LANCL3: variants seen among roughly 807,000 people sequenced by gnomAD.
The protein encoded by LANCL3 is LanC like family member 3.
LANCL3 carries 19 observed loss-of-function variants against 26.5 expected under a neutral mutation model. The ratio of observed to expected loss-of-function variants is 0.72; its 90% CI spans 0.50 to 1.05. LANCL3 has a LOEUF of 1.05. Among genes scored for constraint, LANCL3 ranks in the 50% least tolerant of loss-of-function variants. The pLI is 0.00. For synonymous variants in LANCL3, 160 were observed against 166.6 expected (o/e 0.96, Z 0.30); for missense variants, 318 against 362.7 (o/e 0.88, Z 1.00).
intron 1 of LANCL3, among the ~76,000 whole-genome samples, chrX:37,575,010 C>T: frequency 9.2e-6 from 1 of 109,254 alleles, no homozygotes; most frequent in Middle Eastern, 4.7e-3. Flanking sequence ...ACTGTAGCCT[C>T]GACCTCCTGG....
At chrX:37,665,579 A>G (rs1166791912) in intron 3 of LANCL3, among the ~76,000 whole-genome samples, 6 of 112,233 alleles carry the variant, frequency 5.3e-5, no homozygotes, top group African/African-American at 1.9e-4. Flanking sequence ...ATTATGTATC[A>G]GTCATATGCA....
intron 3 of LANCL3, among the ~76,000 whole-genome samples, chrX:37,661,882 C>T (rs1926430425): frequency 8.9e-6 from 1 of 112,241 alleles, no homozygotes; most frequent in Non-Finnish European, 1.9e-5. Context: ...CCCACCTCCA[C>T]AGGTGACAAG....
At chrX:37,640,347 T>A (rs1556425811) in intron 1 of LANCL3, among the ~76,000 whole-genome samples, 1 of 111,097 alleles carries the variant, frequency 9.0e-6, no homozygotes, top group Non-Finnish European at 1.9e-5. Context: ...GGGAAGTACC[T>A]CACTTTTAAA....
At chrX:37,583,869 T>A (rs1272859422) in intron 1 of LANCL3, among the ~76,000 whole-genome samples, 1 of 111,904 alleles carries the variant, frequency 8.9e-6, no homozygotes, top group Non-Finnish European at 1.9e-5. Context: ...ATAGGTGTGG[T>A]GAGAGAGGGC....
chrX:37,629,820 G>A (rs1234878695), intron 1 of LANCL3, among the ~76,000 whole-genome samples: 1 of 111,315 alleles, frequency 9.0e-6, no homozygotes, highest in African/African-American at 3.3e-5. Context: ...CTCTGTTTTG[G>A]TACCAGTACC....
At chrX:37,609,239 C>T (rs782045049) in intron 1 of LANCL3, among the ~76,000 whole-genome samples, 10 of 111,768 alleles carry the variant, frequency 8.9e-5, no homozygotes, top group East Asian at 2.8e-4. Flanking sequence ...ACTTAGATGC[C>T]GTCTTTATTG....
intron 1 of LANCL3, among the ~76,000 whole-genome samples, chrX:37,583,584 G>C (rs1205106700): frequency 1.8e-5 from 2 of 111,683 alleles, no homozygotes; most frequent in Non-Finnish European, 3.8e-5. Context: ...AAGCAATTGT[G>C]AATGGGAGTT....
chrX:37,572,053 C>T lies in LANCL3; in HGVS notation c.183C>T (p.Cys61=), dbSNP rs1923596102. ...ARGATAGASA[C]QGGLYGGVAG... The stretch of plus-strand genomic sequence containing the variant: ...GGGCGACGGCGGGGGCTAGCGCCTG[C>T]CAGGGGGGGCTTTATGGCGGCGTGG... The change falls in exon 1 of 5, where the codon TGC becomes TGT. Residue 61 remains cysteine (C), a synonymous_variant. Coordinates refer to ENST00000378619, the MANE Select transcript of LANCL3 (RefSeq NM_001170331.2). 1 of 1,180,102 alleles carries T rather than the reference C, an allele frequency of 8.5e-7. No homozygotes were observed. Among genetic ancestry groups the T allele is most frequent in the Non-Finnish European group, 1.1e-6 (1 of 881,217 alleles).
At chrX:37,594,577 C>T (rs1556419318) in intron 1 of LANCL3, among the ~76,000 whole-genome samples, 1 of 112,318 alleles carries the variant, frequency 8.9e-6, no homozygotes, top group African/African-American at 3.2e-5. Context: ...TAGTCCAGAA[C>T]TCAAATTCTT....
Position 37,659,479 on chromosome X carries a change from T to C in LANCL3, c.715T>C (p.Ser239Pro), listed in dbSNP as rs781924613. The change falls in exon 3 of 5, where the codon TCG becomes CCG. Residue 239 changes from serine (S) to proline (P), a missense_variant. By Grantham distance (74) the Ser-to-Pro change is moderately conservative (BLOSUM62 -1). Coordinates refer to ENST00000378619, the MANE Select transcript of LANCL3 (RefSeq NM_001170331.2). ...TAATACAGGGGCAGCTCACGGCTTG[T>C]CGTCTATTCTTCAGATGCTTCTTTC... ...TEYLGAAHGLSSILQMLLSYH... is the reference protein window; with the variant it reads ...TEYLGAAHGLPSILQMLLSYH... 2.5e-6 allele frequency: 3 copies of C among 1,209,828 alleles called. No individual in the cohort carries two copies. Among genetic ancestry groups the C allele is most frequent in the Admixed American group, 2.2e-5 (1 of 45,955 alleles).
At chrX:37,646,633 G>A (rs782602415) in intron 1 of LANCL3, among the ~76,000 whole-genome samples, 2 of 111,938 alleles carry the variant, frequency 1.8e-5, no homozygotes, top group Non-Finnish European at 3.8e-5. Flanking sequence ...ACTCTGTTCT[G>A]GTGCCCATAG....
chrX:37,575,885 A>G, intron 1 of LANCL3, among the ~76,000 whole-genome samples: 1 of 112,423 alleles, frequency 8.9e-6, no homozygotes, highest in Admixed American at 9.4e-5. Context: ...ACTATATTCT[A>G]CCTTTCACTC....
rs186330388 is a variant in LANCL3, at chrX:37,657,051, A to G, written c.697+1240A>G. Among the ~76,000 whole-genome samples, 194 of 112,868 alleles carry G rather than the reference A, an allele frequency of 1.7e-3. 2 individuals are homozygous for G. The highest frequency in any genetic ancestry group is 5.9e-3 in the African/African-American group (184 of 31,132). ...TGGACAACTGAGGCTCAGTTCCCCTAGGGAATCTTAGAGACTTTATAGAAC... is the reference window on the plus strand; with the variant it reads ...TGGACAACTGAGGCTCAGTTCCCCTGGGGAATCTTAGAGACTTTATAGAAC... On this transcript the variant is annotated intron_variant, in intron 2 of 4. Coordinates refer to ENST00000378619, the MANE Select transcript of LANCL3 (RefSeq NM_001170331.2).
At chrX:37,601,610 G>A (rs1344939490) in intron 1 of LANCL3, among the ~76,000 whole-genome samples, 1 of 111,847 alleles carries the variant, frequency 8.9e-6, no homozygotes, top group Non-Finnish European at 1.9e-5. Flanking sequence ...GTTGGTGGCT[G>A]CTAGCAAATG....
chrX:37,585,538 T>C (rs1244134993), intron 1 of LANCL3, among the ~76,000 whole-genome samples: 11 of 112,239 alleles, frequency 9.8e-5, no homozygotes, highest in African/African-American at 3.6e-4. Flanking sequence ...TTGATCCCTT[T>C]ACTATTATGT....
intron 1 of LANCL3, among the ~76,000 whole-genome samples, chrX:37,612,954 C>T (rs1396271886): frequency 9.0e-6 from 1 of 111,636 alleles, no homozygotes; most frequent in Non-Finnish European, 1.9e-5. Flanking sequence ...CTCTCCCTTG[C>T]TGTCAATTGA....
intron 1 of LANCL3, among the ~76,000 whole-genome samples, chrX:37,632,192 G>C (rs375091972): frequency 3.6e-5 from 4 of 111,833 alleles, no homozygotes; most frequent in African/African-American, 9.8e-5. Flanking sequence ...GAATTGATCC[G>C]TTTACCATTA....
chrX:37,601,549 T>TA (rs1306046188), intron 1 of LANCL3, among the ~76,000 whole-genome samples: 1 of 112,289 alleles, frequency 8.9e-6, no homozygotes, highest in African/African-American at 3.2e-5. Context: ...AAATATGACT[T>TA]ACAGTGCCTT....
In LANCL3 at chrX:37,630,358, G is replaced by A. The variant is rs782741626; in HGVS notation, c.574-25330G>A. On this transcript the variant is annotated intron_variant, in intron 1 of 4. Coordinates refer to ENST00000378619, the MANE Select transcript of LANCL3 (RefSeq NM_001170331.2). The stretch of plus-strand genomic sequence containing the variant: ...GCTTAAGGAGATTTTGGGCTGAGAC[G>A]ATGGGGTTTTCTAGATATATAATCA... Among the ~76,000 whole-genome samples, 42 of 111,193 alleles carry A rather than the reference G, an allele frequency of 3.8e-4. No individual in the cohort carries two copies. The East Asian group carries it at 8.7e-3, about 23-fold the overall frequency.
Sources: gnomAD v4.1 joint callset for allele counts (sites outside exome capture counted in the v4.1 genomes callset) on GRCh38, gnomAD v4.1.1 for gene constraint, MANE v1.5 for transcripts, NCBI Gene and HGNC (gene_info 2026-07-23, HGNC 2026-07-21) for gene names.